The following CD6 variants were observed in gnomAD, a reference collection of about 807,000 sequenced individuals.
CD6 encodes the protein T-cell differentiation antigen CD6.
Under a neutral mutation model 75.3 loss-of-function variants are expected in CD6, and 53 were observed. The ratio of observed to expected loss-of-function variants is 0.70; its 90% CI spans 0.56 to 0.88. The LOEUF (loss-of-function observed/expected upper bound fraction) is 0.88. CD6 is among the 40% of genes least tolerant of loss of function. The probability of loss-of-function intolerance (pLI) is 0.00; values close to 1 mark genes in which losing one functional copy is unlikely to be tolerated. For synonymous variants in CD6, 359 were observed against 381.5 expected (o/e 0.94, Z 0.69); for missense variants, 770 against 897.1 (o/e 0.86, Z 1.81).
At chr11:60,995,041 T>C (rs1364441230) in intron 1 of CD6, among the ~76,000 whole-genome samples, 2 of 152,206 alleles carry the variant, frequency 1.3e-5, no homozygotes, top group African/African-American at 4.8e-5. Flanking sequence ...TCACAGGCTC[T>C]TCAAGTCCAA....
At chr11:60,981,704 C>G (rs3019547) in intron 1 of CD6, among the ~76,000 whole-genome samples, 121,150 of 152,118 alleles carry the variant, frequency 0.8, 48,674 homozygotes, top group East Asian at 0.98. Flanking sequence ...GGACAACAGA[C>G]GGAGGCAGAG....
chr11:60,993,820 GC>G (rs1858163148), intron 1 of CD6, among the ~76,000 whole-genome samples: 2 of 152,140 alleles, frequency 1.3e-5, no homozygotes, highest in African/African-American at 2.4e-5. Context: ...CCCAGCATAT[GC>G]AACAAGTTCA....
rs1554999788 is a variant in CD6, at chr11:61,018,480, C to CAAGGGAAAAAGGAGAAAGG, written c.1942+92_1942+93insAAAAAGGAGAAAGGAAGGG. On this transcript the variant is annotated intron_variant, in intron 12 of 12. Coordinates refer to ENST00000313421, the MANE Select transcript of CD6 (RefSeq NM_006725.5). ...TGGGGAACTATTGGATGCATTCGCT[C>CAAGGGAAAAAGGAGAAAGG]AAGGGGAAAAGGAGAAAGGAAGGGT... is the stretch of plus-strand genomic sequence containing the variant. 4.5e-6 allele frequency: 4 copies of CAAGGGAAAAAGGAGAAAGG among 887,194 alleles called. No homozygotes were observed. The African/African-American group carries it at 5.3e-5, about 12-fold the overall frequency. 55.0% of individuals were successfully genotyped at this position (887,194 alleles called of 1,614,324 possible).
chr11:61,018,030 C>T lies in CD6; in HGVS notation c.1837+17C>T, dbSNP rs368070100. On this transcript the variant is annotated intron_variant, in intron 11 of 12. Transcript: ENST00000313421. The stretch of plus-strand genomic sequence containing the variant: ...CCTTTTCAGGTAAGCTGTGCCTCCC[C>T]CAAACCCCCATCCCATAGCCAGCCT... The T allele has an allele frequency of 9.3e-6, 15 of 1,608,266 alleles. No homozygotes were observed. The highest frequency in any genetic ancestry group is 1.3e-5 in the Non-Finnish European group (15 of 1,178,982).
intron 1 of CD6, among the ~76,000 whole-genome samples, chr11:60,986,381 G>T (rs751033179): frequency 1.3e-5 from 2 of 152,176 alleles, no homozygotes; most frequent in Non-Finnish European, 2.9e-5. Flanking sequence ...AGGTGGCTCT[G>T]AGACCAGCCT....
intron 1 of CD6, among the ~76,000 whole-genome samples, chr11:60,974,154 G>A (rs1381555420): frequency 6.6e-6 from 1 of 152,164 alleles, no homozygotes; most frequent in African/African-American, 2.4e-5. Context: ...AAATGGAGCT[G>A]GGATAATGAA....
chr11:60,987,357 G>C (rs1446286765), intron 1 of CD6, among the ~76,000 whole-genome samples: 5 of 152,202 alleles, frequency 3.3e-5, no homozygotes. Flanking sequence ...ACTTCTGTGA[G>C]GACAACAGTC....
chr11:61,011,215 A>C (rs184272477), intron 6 of CD6, 80 bp downstream of exon 6: 75 of 557,512 alleles, frequency 1.3e-4, no homozygotes, highest in Admixed American at 2.0e-4. Context: ...TCCTGTGCAC[A>C]CCTGTGTTGG....
intron 1 of CD6, among the ~76,000 whole-genome samples, chr11:60,985,931 C>T (rs1857796144): frequency 6.6e-6 from 1 of 152,196 alleles, no homozygotes; most frequent in South Asian, 2.1e-4. Context: ...TCCATTTAAT[C>T]TTATATGTTA....
Position 61,011,179 on chromosome 11 carries a change from G to A in CD6, c.1150+44G>A, listed in dbSNP as rs564584694. 7 of 774,876 alleles carry A rather than the reference G, an allele frequency of 9.0e-6. No individual in the cohort carries two copies. In the Admixed American group the frequency reaches 1.2e-4, roughly 13 times the overall value. 48.0% of individuals were successfully genotyped at this position (774,876 alleles called of 1,614,324 possible). On this transcript the variant is annotated intron_variant, in intron 6 of 12. Transcript: ENST00000313421. ...TACGCGGTTTCTCAGAAGCTTGGAC[G>A]TGTGTGTGTGTGTGTGTGTGTGTGT...
intron 1 of CD6, among the ~76,000 whole-genome samples, chr11:60,986,269 G>A (rs922383584): frequency 7.9e-5 from 12 of 152,216 alleles, no homozygotes; most frequent in African/African-American, 2.9e-4. Flanking sequence ...TGTTCTTGAA[G>A]GAGGAAGTTT....
At chr11:61,005,795 G>T (rs952291986) in intron 1 of CD6, among the ~76,000 whole-genome samples, 1 of 152,154 alleles carries the variant, frequency 6.6e-6, no homozygotes, top group Non-Finnish European at 1.5e-5. Context: ...GCCAGGCGTG[G>T]TGGCGCATGC....
intron 1 of CD6, among the ~76,000 whole-genome samples, chr11:60,979,911 G>A (rs1041118775): frequency 6.6e-6 from 1 of 152,210 alleles, no homozygotes; most frequent in African/African-American, 2.4e-5. Context: ...CGGGATAGGT[G>A]TGGCAACAGG....
At chr11:60,984,933 T>G (rs907295868) in intron 1 of CD6, 11 of 152,216 alleles carry the variant, frequency 7.2e-5, no homozygotes, top group Non-Finnish European at 1.5e-4. Flanking sequence ...GGTTTGGAAT[T>G]AATCCAAGGG....
At chr11:61,015,466 G>T in intron 8 of CD6, 1 of 453,238 alleles carries the variant, frequency 2.2e-6, no homozygotes, top group South Asian at 3.6e-5. Context: ...AGCTACTCGG[G>T]AGGCTGAGGT....
rs1358466988 is a variant in CD6, at chr11:61,007,947, C to G, written c.469+37C>G. 2 of 1,253,522 alleles carry G rather than the reference C, an allele frequency of 1.6e-6. No individual in the cohort carries two copies. The highest frequency in any genetic ancestry group is 2.0e-6 in the Non-Finnish European group (2 of 984,730). The allele number at this position is 1,253,522 out of a possible 1,614,324, so 77.6% of individuals were successfully genotyped here. On this transcript the variant is annotated intron_variant, in intron 3 of 12. Transcript: ENST00000313421. This position sits in a 1 kb window ranked among gnomAD's most constrained non-coding sequence, Gnocchi z 4.2. ...CCCCCTACACGGGCCCCCACCTGCC[C>G]CACTCCCCAGGCCTTCAGCCACTGC...
intron 11 of CD6, 62 bp from the exon 12 acceptor site, chr11:61,018,227 C>T (rs1859514318): frequency 7.0e-7 from 1 of 1,437,294 alleles, no homozygotes; most frequent in Non-Finnish European, 9.4e-7. Flanking sequence ...GGCCCCCCAG[C>T]TCTGGCAACT....
chr11:61,002,946 C>T (rs1858662153), intron 1 of CD6, among the ~76,000 whole-genome samples: 1 of 139,124 alleles, frequency 7.2e-6, no homozygotes, highest in Non-Finnish European at 1.6e-5. Flanking sequence ...TCCTCATGAC[C>T]TAATCAACTC....
chr11:61,017,890 T>C lies in CD6; in HGVS notation c.1714T>C (p.Tyr572His). The C allele has an allele frequency of 6.2e-7, 1 of 1,614,074 alleles. No homozygotes were observed. Among genetic ancestry groups the C allele is most frequent in the Admixed American group, 1.7e-5 (1 of 60,022 alleles). Residue 572 changes from tyrosine (Y) to histidine (H), a missense_variant, in exon 11 of 13, where the codon TAC (tyrosine) becomes CAC (histidine). Transcript: ENST00000313421. ...SESSTSSGED[Y>H]CNSPKSKLPP... is the part of the protein sequence containing the mutation. The stretch of plus-strand genomic sequence containing the variant: ...GTCGAGCACCTCTTCAGGGGAGGAT[T>C]ACTGCAATAGTCCCAAAAGCAAGCT...
Sources: allele counts gnomAD v4.1 joint callset (sites outside exome capture counted in the v4.1 genomes callset), GRCh38; gene constraint gnomAD v4.1.1; non-coding constraint Gnocchi (gnomAD v3.1); transcripts MANE v1.5; gene names NCBI Gene and HGNC (gene_info 2026-07-23, HGNC 2026-07-21).